Variants in DCDC1 observed in about 807,000 individuals in gnomAD.
DCDC1 encodes doublecortin domain containing 1, also known as doublecortin domain-containing protein 1.
DCDC1 carries 200 observed loss-of-function variants against 178.3 expected under a neutral mutation model. That is an observed-to-expected ratio of 1.12 (90% CI 1.00 to 1.26). The LOEUF (loss-of-function observed/expected upper bound fraction) is 1.26, where lower values mean the gene tolerates loss of function less well. Ranked by LOEUF, DCDC1 falls within the 50% of genes most tolerant of loss-of-function variation. DCDC1 has a pLI of 0.00. For synonymous variants in DCDC1, 690 were observed against 604.8 expected (o/e 1.14, Z -2.07); for missense variants, 1,983 against 1,749.2 (o/e 1.13, Z -2.38).
intron 17 of DCDC1, among the ~76,000 whole-genome samples, chr11:31,083,094 T>G (rs1957286643): frequency 6.6e-6 from 1 of 152,204 alleles, no homozygotes; most frequent in East Asian, 1.9e-4. Context: ...AAGGAGTCCT[T>G]AAAGCAGCGT....
intron 9 of DCDC1, among the ~76,000 whole-genome samples, chr11:31,155,723 G>C (rs1337097793): frequency 2.0e-5 from 3 of 152,276 alleles, no homozygotes; most frequent in African/African-American, 7.2e-5. Context: ...TAGGCTGGAG[G>C]CCACACCAGT....
intron 9 of DCDC1, among the ~76,000 whole-genome samples, chr11:31,176,200 A>G (rs1011517880): frequency 5.3e-5 from 8 of 152,242 alleles, no homozygotes; most frequent in Non-Finnish European, 1.0e-4. Flanking sequence ...ATAGATAGAT[A>G]TCACAAAAAA....
chr11:31,158,814 C>A (rs886622235), intron 9 of DCDC1, among the ~76,000 whole-genome samples: 1 of 152,092 alleles, frequency 6.6e-6, no homozygotes, highest in African/African-American at 2.4e-5. Context: ...ATAAGTTTGA[C>A]TTGTAGTGAG....
intron 9 of DCDC1, among the ~76,000 whole-genome samples, chr11:31,240,634 C>T (rs1265429156): frequency 6.6e-6 from 1 of 151,958 alleles, no homozygotes; most frequent in Non-Finnish European, 1.5e-5. Flanking sequence ...GGATAATGAG[C>T]CCAGTTCTAA....
At chr11:31,268,076 A>G (rs943180640) in intron 7 of DCDC1, among the ~76,000 whole-genome samples, 1 of 152,224 alleles carries the variant, frequency 6.6e-6, no homozygotes, top group African/African-American at 2.4e-5. Context: ...TCTCCTCTTT[A>G]CAACCCCACA....
chr11:30,981,140 G>C (rs573283820), intron 20 of DCDC1, among the ~76,000 whole-genome samples: 1 of 152,116 alleles, frequency 6.6e-6, no homozygotes, highest in East Asian at 1.9e-4. Flanking sequence ...CTAAACAATG[G>C]GTACCATGGA....
chr11:30,914,629 A>AC (rs1306485297), intron 27 of DCDC1, among the ~76,000 whole-genome samples: 1 of 83,368 alleles, frequency 1.2e-5, no homozygotes, highest in African/African-American at 4.8e-5. Context: ...TTCCATATGC[A>AC]CCCAAAAAAA....
At chr11:31,199,328 AGTT>A (rs1438632257) in intron 9 of DCDC1, among the ~76,000 whole-genome samples, 4 of 152,066 alleles carry the variant, frequency 2.6e-5, no homozygotes, top group African/African-American at 4.8e-5. Context: ...GCTAGACACT[AGTT>A]TATTAAGTAC....
intron 9 of DCDC1, among the ~76,000 whole-genome samples, chr11:31,140,783 T>C (rs1268241980): frequency 2.0e-5 from 3 of 152,148 alleles, no homozygotes; most frequent in Admixed American, 6.6e-5. Context: ...CACAAAGGTG[T>C]ACCTGAAGTA....
intron 9 of DCDC1, among the ~76,000 whole-genome samples, chr11:31,193,507 T>G (rs1238043998): frequency 1.3e-5 from 2 of 152,066 alleles, no homozygotes; most frequent in East Asian, 3.9e-4. Flanking sequence ...AAATTAAAAA[T>G]GTGAAACACT....
intron 1 of DCDC1, among the ~76,000 whole-genome samples, chr11:31,360,580 T>C (rs1177851615): frequency 6.6e-6 from 1 of 152,044 alleles, no homozygotes; most frequent in African/African-American, 2.4e-5. Flanking sequence ...TGTAATAAAG[T>C]TATGTGACTC....
chr11:31,135,688 T>C (rs1963043723), intron 10 of DCDC1, among the ~76,000 whole-genome samples: 3 of 152,116 alleles, frequency 2.0e-5, no homozygotes, highest in Admixed American at 1.3e-4. Flanking sequence ...GTATTTGTTT[T>C]TGAAGTAAGC....
At position 31,298,210 on chromosome 11, in the gene DCDC1, C is replaced by T. The variant is rs187637036; in HGVS notation, c.755-7358G>A. 3.2e-4 allele frequency among the ~76,000 whole-genome samples: 48 copies of T among 152,256 alleles called. 1 individual carries two copies. The highest frequency in any genetic ancestry group is 3.1e-3 in the Admixed American group (47 of 15,288). On this transcript the variant is annotated intron_variant, in intron 6 of 38. Coordinates refer to ENST00000684477, the MANE Select transcript of DCDC1 (RefSeq NM_001387274.1). The stretch of plus-strand genomic sequence containing the variant: ...TTTTCCCTTTGGACTGTTCTTGAAT[C>T]ACTACCTTGTTGATAGTTCTTTCAG...
At chr11:31,298,450 C>T (rs1204265433) in intron 6 of DCDC1, among the ~76,000 whole-genome samples, 1 of 152,098 alleles carries the variant, frequency 6.6e-6, no homozygotes, top group East Asian at 1.9e-4. Context: ...TAGTGAGGAC[C>T]TAAGGTTTAG....
intron 2 of DCDC1, among the ~76,000 whole-genome samples, chr11:31,335,099 T>C (rs2133159645): frequency 6.6e-6 from 1 of 152,264 alleles, no homozygotes; most frequent in Admixed American, 6.5e-5. Flanking sequence ...TACTCAAGCC[T>C]CAGCAATGGT....
chr11:31,368,140 G>C (rs1428419631), intron 1 of DCDC1, among the ~76,000 whole-genome samples: 1 of 152,110 alleles, frequency 6.6e-6, no homozygotes, highest in African/African-American at 2.4e-5. Flanking sequence ...AAAAGAAAAA[G>C]TTGGTACATT....
At chr11:31,081,366 T>C (rs548152860) in intron 17 of DCDC1, among the ~76,000 whole-genome samples, 2 of 152,256 alleles carry the variant, frequency 1.3e-5, no homozygotes, top group African/African-American at 4.8e-5. Flanking sequence ...TCCCAGCACT[T>C]TGGGAGGCCG....
intron 3 of DCDC1, among the ~76,000 whole-genome samples, chr11:31,324,393 A>T (rs1056881070): frequency 4.6e-5 from 7 of 152,214 alleles, no homozygotes; most frequent in East Asian, 1.9e-4. Context: ...TGGGGGGCTT[A>T]TAAATATTAT....
chr11:31,004,808 TC>T (rs1171328137), intron 20 of DCDC1, among the ~76,000 whole-genome samples: 2 of 152,052 alleles, frequency 1.3e-5, no homozygotes, highest in Non-Finnish European at 2.9e-5. Flanking sequence ...CGGTTCAGTT[TC>T]CCTATCTATA....
Sources: gnomAD v4.1 joint callset for allele counts (sites outside exome capture counted in the v4.1 genomes callset) on GRCh38, gnomAD v4.1.1 for gene constraint, MANE v1.5 for transcripts, NCBI Gene and HGNC (gene_info 2026-07-23, HGNC 2026-07-21) for gene names.